Variants in IMPA2 observed in about 807,000 individuals in gnomAD.
IMPA2 encodes inositol monophosphatase 2.
Under a neutral mutation model 35.1 loss-of-function variants are expected in IMPA2, and 32 were observed. The observed-to-expected ratio is 0.91, with a 90% CI of 0.69 to 1.23. The LOEUF is 1.23. Ranked by LOEUF, IMPA2 falls within the 50% of genes most tolerant of loss-of-function variation. The pLI, the probability that IMPA2 is intolerant of heterozygous loss-of-function variation, is 0.00. For synonymous variants in IMPA2, 135 were observed against 160.6 expected (o/e 0.84, Z 1.20); for missense variants, 334 against 387.6 (o/e 0.86, Z 1.16).
intron 1 of IMPA2, among the ~76,000 whole-genome samples, chr18:11,996,623 C>T (rs1051373621): frequency 6.6e-6 from 1 of 152,116 alleles, no homozygotes; most frequent in African/African-American, 2.4e-5. Context: ...GAGTTTGAGA[C>T]TCTGCTCTAG....
intron 2 of IMPA2, among the ~76,000 whole-genome samples, chr18:12,007,644 TTTCTTTCTTTCTTTC>T (rs1907301998): frequency 1.0e-5 from 1 of 99,570 alleles, no homozygotes; most frequent in Non-Finnish European, 1.9e-5. Context: ...TCTTTCTTTC[TTTCTTTCTTTCTTTC>T]TTTCTTTCTT....
At position 11,981,708 on chromosome 18, in the gene IMPA2, C is replaced by T. The variant is rs1355796685; in HGVS notation, c.39C>T (p.Ala13=). 4.9e-6 allele frequency: 6 copies of T among 1,230,740 alleles called. No homozygotes were observed. The South Asian group carries it at 1.6e-4, about 33-fold the overall frequency. 76.2% of individuals were successfully genotyped at this position (1,230,740 alleles called of 1,614,324 possible). A position where few individuals can be genotyped will look rare whatever the true frequency, so the allele number is the denominator to read the frequency against. The stretch of plus-strand genomic sequence containing the variant: ...GCGAGGACCAGGCGGCGCTGGCGGC[C>T]GGCCCCTGGGAGGAGTGCTTCCAGG... ...PSGEDQAALA[A]GPWEECFQAA... The change falls in exon 1 of 8, where the codon GCC becomes GCT. Residue 13 remains alanine, a synonymous_variant. Transcript: ENST00000269159.
intron 5 of IMPA2, among the ~76,000 whole-genome samples, chr18:12,021,051 A>G (rs1458764431): frequency 6.6e-6 from 1 of 151,946 alleles, no homozygotes. Context: ...TTGTAGTTTC[A>G]TGGTTCTAGA....
rs528975859 is a variant in IMPA2, at chr18:12,026,883, G to A, written c.491-1160G>A. Among the ~76,000 whole-genome samples the A allele has an allele frequency of 2.0e-5, 3 of 152,374 alleles. No homozygotes were observed. The South Asian group carries it at 6.2e-4, about 32-fold the overall frequency. ...GTGCTGGGCATGGCCGGCGGTGAAT[G>A]ATCTGGACCTCCTGAGGGCAGGCAG... On this transcript the variant is annotated intron_variant, in intron 5 of 7. Transcript: ENST00000269159.
intron 1 of IMPA2, among the ~76,000 whole-genome samples, chr18:11,986,252 G>A (rs907072288): frequency 2.0e-5 from 3 of 152,116 alleles, no homozygotes; most frequent in Admixed American, 6.5e-5. Flanking sequence ...AGATCTGGTC[G>A]CTCTGCTTGG....
chr18:11,986,196 C>A (rs567370160), intron 1 of IMPA2, among the ~76,000 whole-genome samples: 4 of 152,208 alleles, frequency 2.6e-5, no homozygotes, highest in Non-Finnish European at 5.9e-5. Context: ...TTATGCTTCC[C>A]GAGGCCCGGC....
At chr18:11,999,213 C>A (rs748912477) in intron 2 of IMPA2, 26 bp downstream of exon 2, 2 of 1,605,130 alleles carry the variant, frequency 1.2e-6, no homozygotes, top group African/African-American at 1.3e-5. Flanking sequence ...TGGGAAACAC[C>A]CCCAGTAACC....
intron 1 of IMPA2, among the ~76,000 whole-genome samples, chr18:11,993,488 T>TATGG (rs935351210): frequency 3.3e-5 from 5 of 152,180 alleles, no homozygotes; most frequent in African/African-American, 1.2e-4. Flanking sequence ...ATCTGGTGTA[T>TATGG]ATGGGTGCAT....
chr18:12,019,776 A>G (rs1005249239), intron 5 of IMPA2, among the ~76,000 whole-genome samples: 1 of 152,206 alleles, frequency 6.6e-6, no homozygotes, highest in African/African-American at 2.4e-5. Flanking sequence ...TTAATAAAAT[A>G]CTAAAAATGT....
intron 1 of IMPA2, among the ~76,000 whole-genome samples, chr18:11,995,939 A>C (rs551257455): frequency 6.6e-6 from 1 of 152,306 alleles, no homozygotes; most frequent in African/African-American, 2.4e-5. Flanking sequence ...TCCTGATGCT[A>C]GGGGTACAGA....
intron 3 of IMPA2, among the ~76,000 whole-genome samples, chr18:12,011,206 G>A (rs619525): frequency 0.52 from 78,612 of 152,106 alleles, 23,372 homozygotes; most frequent in Non-Finnish European, 0.67. Flanking sequence ...TGGTACTGGG[G>A]AGGTGACTGG....
chr18:11,982,203 T>TA (rs1450388921), intron 1 of IMPA2, among the ~76,000 whole-genome samples: 1 of 152,102 alleles, frequency 6.6e-6, no homozygotes, highest in Non-Finnish European at 1.5e-5. Context: ...AACCCAAACT[T>TA]ACTCTGACCC....
chr18:12,009,778 T>A lies in IMPA2; in HGVS notation c.231-105T>A. 7.4e-6 allele frequency: 6 copies of A among 810,814 alleles called. No homozygotes were observed. The Admixed American group carries it at 1.1e-4, about 15-fold the overall frequency. 50.2% of individuals were successfully genotyped at this position (810,814 alleles called of 1,614,324 possible). ...TTGACCCAGAGAAACCATGATGACA[T>A]CTGTTTGCTGTGCCACCTTTTTCTT... On this transcript the variant is annotated intron_variant, in intron 2 of 7. Coordinates refer to ENST00000269159, the MANE Select transcript of IMPA2 (RefSeq NM_014214.3).
intron 1 of IMPA2, among the ~76,000 whole-genome samples, chr18:11,982,107 C>T (rs1164129368): frequency 6.6e-6 from 1 of 152,224 alleles, no homozygotes; most frequent in African/African-American, 2.4e-5. Context: ...ACGGATTCAG[C>T]TCGCGGTAGG....
intron 2 of IMPA2, among the ~76,000 whole-genome samples, chr18:12,006,006 G>A (rs1350172012): frequency 6.6e-6 from 1 of 152,178 alleles, no homozygotes; most frequent in Non-Finnish European, 1.5e-5. Flanking sequence ...TTAAGCTTTC[G>A]TAGTTGCTCC....
chr18:11,981,666 C>A lies in IMPA2; in HGVS notation c.-4C>A. ...TGGAGGTGGAGGGGCCCGGCGAGGC[C>A]GCGATGAAGCCGAGCGGCGAGGACC... On this transcript the variant is annotated 5_prime_UTR_variant, in exon 1 of 8. Coordinates refer to ENST00000269159, the MANE Select transcript of IMPA2 (RefSeq NM_014214.3). The A allele has an allele frequency of 8.1e-7, 1 of 1,229,052 alleles. No individual in the cohort carries two copies. Among genetic ancestry groups the A allele is most frequent in the Non-Finnish European group, 1.0e-6 (1 of 985,974 alleles). 76.1% of individuals were successfully genotyped at this position (1,229,052 alleles called of 1,614,324 possible).
In IMPA2 at chr18:12,030,580, G is replaced by T; in HGVS notation, c.*122G>T. On this transcript the variant is annotated 3_prime_UTR_variant, in exon 8 of 8. Coordinates refer to ENST00000269159, the MANE Select transcript of IMPA2 (RefSeq NM_014214.3). Reference sequence around the variant, plus strand: ...ACGCTCTGCTCCTGGCTACCCCAGAGGGAGTTGTCACGCTACAGTGAGTGG... The same window carrying T: ...ACGCTCTGCTCCTGGCTACCCCAGATGGAGTTGTCACGCTACAGTGAGTGG... The T allele has an allele frequency of 1.4e-6, 1 of 699,804 alleles. No homozygotes were observed. The highest frequency in any genetic ancestry group is 2.7e-5 in the East Asian group (1 of 37,566). 43.3% of individuals were successfully genotyped at this position (699,804 alleles called of 1,614,324 possible).
intron 1 of IMPA2, among the ~76,000 whole-genome samples, chr18:11,986,436 C>T (rs2143773669): frequency 6.6e-6 from 1 of 152,306 alleles, no homozygotes; most frequent in South Asian, 2.1e-4. Flanking sequence ...TGGCACTCCT[C>T]ATGACTTTAT....
At chr18:12,025,257 G>A (rs1568039060) in intron 5 of IMPA2, among the ~76,000 whole-genome samples, 1 of 152,212 alleles carries the variant, frequency 6.6e-6, no homozygotes, top group Non-Finnish European at 1.5e-5. Flanking sequence ...ATGTACCACA[G>A]TTTATTTATT....
Sources: gnomAD v4.1 joint callset for allele counts (sites outside exome capture counted in the v4.1 genomes callset) on GRCh38, gnomAD v4.1.1 for gene constraint, MANE v1.5 for transcripts, NCBI Gene and HGNC (gene_info 2026-07-23, HGNC 2026-07-21) for gene names.